The following PCDH7 variants were observed in gnomAD, a reference collection of about 807,000 sequenced individuals.
PCDH7 encodes the protein protocadherin 7.
A neutral mutation model predicts 58.9 loss-of-function variants in PCDH7; 17 were observed. That is an observed-to-expected ratio of 0.29 (90% confidence interval 0.20 to 0.43). The LOEUF (loss-of-function observed/expected upper bound fraction) is 0.43, where lower values mean the gene tolerates loss of function less well. PCDH7 is among the 20% of genes least tolerant of loss of function. The probability of loss-of-function intolerance (pLI) is 1.00; values close to 1 mark genes in which losing one functional copy is unlikely to be tolerated. For missense variants in PCDH7, 1,274 were observed against 1,441.0 expected (o/e 0.88, Z 1.88); for synonymous variants, 664 against 616.4 (o/e 1.08, Z -1.14).
intron 3 of PCDH7, among the ~76,000 whole-genome samples, chr4:30,960,208 A>G (rs1366393805): frequency 6.6e-6 from 1 of 150,620 alleles, no homozygotes; most frequent in African/African-American, 2.5e-5. Context: ...TAAAAGGATC[A>G]GTCCCCCAGT....
At chr4:31,078,856 T>C (rs1337587447) in intron 3 of PCDH7, among the ~76,000 whole-genome samples, 1 of 151,992 alleles carries the variant, frequency 6.6e-6, no homozygotes, top group African/African-American at 2.4e-5. Context: ...TATTGCAGAT[T>C]GCACAATGTT....
chr4:30,728,294 TATAGAGAGAG>T (rs1310050185), intron 1 of PCDH7, among the ~76,000 whole-genome samples: 17 of 127,834 alleles, frequency 1.3e-4, no homozygotes, highest in African/African-American at 3.6e-4. Context: ...TATATATATA[TATAGAGAGAG>T]AGAGAGAGAG....
chr4:30,930,312 T>G (rs991566489), intron 2 of PCDH7, among the ~76,000 whole-genome samples: 7 of 152,186 alleles, frequency 4.6e-5, no homozygotes, highest in Non-Finnish European at 7.3e-5. Context: ...TGGTGCCATT[T>G]GCCAACCTTG....
chr4:31,075,048 G>A (rs549441581), intron 3 of PCDH7, among the ~76,000 whole-genome samples: 2 of 152,054 alleles, frequency 1.3e-5, no homozygotes, highest in Non-Finnish European at 1.5e-5. Context: ...GAAATTACAC[G>A]ATTGTCTGGA....
At chr4:31,018,606 C>G (rs1032729087) in intron 3 of PCDH7, among the ~76,000 whole-genome samples, 4 of 152,144 alleles carry the variant, frequency 2.6e-5, no homozygotes, top group Non-Finnish European at 5.9e-5. Flanking sequence ...CATAAAGTTT[C>G]TCTAAGTCGT....
chr4:31,126,126 C>CT (rs555596051), intron 3 of PCDH7, among the ~76,000 whole-genome samples: 11,273 of 128,330 alleles, frequency 0.088, 614 homozygotes, highest in African/African-American at 0.14. Flanking sequence ...CATATCCTTT[C>CT]TTTTTTTTTT....
chr4:30,895,264 C>T (rs980291576), intron 1 of PCDH7, among the ~76,000 whole-genome samples: 3 of 151,414 alleles, frequency 2.0e-5, no homozygotes, highest in Non-Finnish European at 2.9e-5. Flanking sequence ...AGCATGTAAC[C>T]GCATGTATGT....
chr4:30,984,657 T>C (rs528496092), intron 3 of PCDH7, among the ~76,000 whole-genome samples: 1 of 151,914 alleles, frequency 6.6e-6, no homozygotes, highest in African/African-American at 2.4e-5. Flanking sequence ...TTCCCAAAAT[T>C]TGTGTGTTCT....
intron 1 of PCDH7, among the ~76,000 whole-genome samples, chr4:30,865,497 A>G (rs1460216834): frequency 1.3e-5 from 2 of 152,012 alleles, no homozygotes; most frequent in Non-Finnish European, 2.9e-5. Flanking sequence ...CATGTGGGGA[A>G]TTTGGACATG....
intron 1 of PCDH7, among the ~76,000 whole-genome samples, chr4:30,765,236 T>G (rs1720598773): frequency 6.7e-6 from 1 of 148,968 alleles, no homozygotes; most frequent in South Asian, 2.1e-4. Flanking sequence ...AAAGATTAAG[T>G]TATGATATAA....
chr4:30,977,381 C>T (rs887809967), intron 3 of PCDH7, among the ~76,000 whole-genome samples: 23 of 152,110 alleles, frequency 1.5e-4, no homozygotes, highest in Middle Eastern at 3.2e-3. Flanking sequence ...TGGAGTGCTC[C>T]AGAAAACATC....
Position 30,989,135 on chromosome 4 carries a change from A to G in PCDH7, c.*7+38920A>G, listed in dbSNP as rs1327562171. Among the ~76,000 whole-genome samples the G allele has an allele frequency of 2.7e-5, 4 of 149,220 alleles. No homozygotes were observed. In the South Asian group the frequency reaches 8.9e-4, roughly 33 times the overall value. On this transcript the variant is annotated intron_variant, in intron 3 of 3. Coordinates refer to the PCDH7 transcript ENST00000509759. ...GTGAATGCAAAACTTTTTGGACAGA[A>G]TCAAATCACAGTTTTTTTTTTCCAG...
chr4:31,025,240 T>C lies in PCDH7; in HGVS notation c.*7+75025T>C, dbSNP rs532927065. Among the ~76,000 whole-genome samples, 25 of 152,302 alleles carry C rather than the reference T, an allele frequency of 1.6e-4. 1 individual carries two copies. Among genetic ancestry groups the C allele is most frequent in the South Asian group, 1.4e-3 (7 of 4,830 alleles). ...CATTTTTTCAGTATTTTCAGAGAAA[T>C]TGTCTCACGTATAGGACATGTTGAA... On this transcript the variant is annotated intron_variant, in intron 3 of 3. Coordinates refer to the PCDH7 transcript ENST00000509759.
intron 1 of PCDH7, among the ~76,000 whole-genome samples, chr4:30,780,624 G>T (rs1722661159): frequency 6.6e-6 from 1 of 152,012 alleles, no homozygotes; most frequent in South Asian, 2.1e-4. Flanking sequence ...CTCTTCTAGA[G>T]CACCAATCTT....
intron 1 of PCDH7, among the ~76,000 whole-genome samples, chr4:30,742,439 A>G (rs1717203752): frequency 6.6e-6 from 1 of 152,172 alleles, no homozygotes; most frequent in Admixed American, 6.5e-5. Flanking sequence ...GGAAGAACAG[A>G]CATGGCTTCG....
At chr4:30,936,703 T>C (rs1048652281) in intron 2 of PCDH7, among the ~76,000 whole-genome samples, 5 of 152,088 alleles carry the variant, frequency 3.3e-5, no homozygotes, top group Non-Finnish European at 7.4e-5. Flanking sequence ...GTAGCTTTGA[T>C]GTTGGTACCT....
At chr4:31,079,772 C>T (rs1424098382) in intron 3 of PCDH7, among the ~76,000 whole-genome samples, 1 of 151,856 alleles carries the variant, frequency 6.6e-6, no homozygotes, top group Non-Finnish European at 1.5e-5. Context: ...TTAGAAACAG[C>T]CCAAATGTCC....
intron 1 of PCDH7, among the ~76,000 whole-genome samples, chr4:30,807,315 A>C (rs2109310682): frequency 6.6e-6 from 1 of 152,324 alleles, no homozygotes; most frequent in African/African-American, 2.4e-5. Flanking sequence ...AATACAAAAA[A>C]AGACGTTGTC....
chr4:30,880,595 A>C (rs530383906), intron 1 of PCDH7, among the ~76,000 whole-genome samples: 11 of 152,248 alleles, frequency 7.2e-5, no homozygotes, highest in African/African-American at 2.6e-4. Flanking sequence ...AAACAAAACA[A>C]ACATAAAAAC....
Sources: allele counts gnomAD v4.1 joint callset (sites outside exome capture counted in the v4.1 genomes callset), GRCh38; gene constraint gnomAD v4.1.1; transcripts MANE v1.5; gene names NCBI Gene and HGNC (gene_info 2026-07-23, HGNC 2026-07-21).